Variants in FLNC observed in about 807,000 individuals in gnomAD.
The protein encoded by FLNC is filamin-C.
In FLNC, 91 loss-of-function variants were observed where a neutral mutation model predicts 254.3. The observed-to-expected ratio is 0.36, with a 90% CI of 0.30 to 0.43. The LOEUF is 0.43. Among genes scored for constraint, FLNC ranks in the 20% least tolerant of loss-of-function variants. The pLI is 1.00. For missense variants in FLNC, 2,853 were observed against 3,802.6 expected (o/e 0.75, Z 6.57); for synonymous variants, 1,430 against 1,577.2 (o/e 0.91, Z 2.21).
Position 128,833,713 on chromosome 7 carries a change from G to C in FLNC, c.353-1613G>C, listed in dbSNP as rs556698480. Among the ~76,000 whole-genome samples the C allele has an allele frequency of 5.9e-5, 9 of 152,346 alleles. No homozygotes were observed. In the South Asian group the frequency reaches 1.9e-3, roughly 32 times the overall value. On this transcript the variant is annotated intron_variant, in intron 1 of 47. Coordinates refer to ENST00000325888, the MANE Select transcript of FLNC (RefSeq NM_001458.5). The stretch of plus-strand genomic sequence containing the variant: ...TCTGGGCGTGTGAGCTTTGGAGGCT[G>C]TCGGGGTTGTGAGAGGCTGGGGGCA...
rs1358839958 is a variant in FLNC at position 128,841,380 on chromosome 7, C to T, written c.2007+17C>T. 1 of 1,613,802 alleles carries T rather than the reference C, an allele frequency of 6.2e-7. No individual in the cohort carries two copies. The highest frequency in any genetic ancestry group is 2.2e-5 in the East Asian group (1 of 44,896). On this transcript the variant is annotated intron_variant, in intron 12 of 47. Transcript: ENST00000325888. This position sits in a 1 kb window ranked among gnomAD's most constrained non-coding sequence, Gnocchi z 4.3. ...CCAGATAAGGTGTGGTCCCAGCTCA[C>T]ACACACCTGCCCCGGGGGTGGGGCA...
intron 5 of FLNC, 55 bp downstream of exon 5, chr7:128,837,810 C>T (rs971262870): frequency 1.4e-5 from 21 of 1,488,750 alleles, no homozygotes; most frequent in Admixed American, 3.9e-5. Flanking sequence ...AACCAGAGAG[C>T]GTGGGGCCAA....
rs1490743351 is a variant in FLNC, at chr7:128,842,115, G to T, written c.2122-116G>T. 6.4e-6 allele frequency: 7 copies of T among 1,096,758 alleles called. No homozygotes were observed. The highest frequency in any genetic ancestry group is 1.4e-5 in the South Asian group (1 of 72,422). The allele number at this position is 1,096,758 out of a possible 1,614,324, so 67.9% of individuals were successfully genotyped here. ...CTCTGGTGGCCTCAGTGGCTGGTGTGGGGGCGGGAGTGCCAGTGTTGGGGG... is the reference window on the plus strand; with the variant it reads ...CTCTGGTGGCCTCAGTGGCTGGTGTTGGGGCGGGAGTGCCAGTGTTGGGGG... On this transcript the variant is annotated intron_variant, in intron 13 of 47. Transcript: ENST00000325888. The surrounding 1 kb of genome is among the most constrained non-coding windows in gnomAD (Gnocchi z 5.4).
Position 128,848,635 on chromosome 7 carries a change from C to T in FLNC, c.4655C>T (p.Ser1552Phe), listed in dbSNP as rs766674759. The T allele has an allele frequency of 1.9e-6, 3 of 1,613,456 alleles. No individual in the cohort carries two copies. Among genetic ancestry groups the T allele is most frequent in the Non-Finnish European group, 2.5e-6 (3 of 1,180,034 alleles). The change falls in exon 27 of 48, where the codon TCT becomes TTT. Residue 1552 changes from serine to phenylalanine, a missense_variant. Physicochemically the swap from Ser to Phe is radical, Grantham distance 155. Transcript: ENST00000325888. ...VRASGPGLNA[S>F]GIPASLPVEF... is the part of the protein sequence containing the mutation. ...GCCAGCGGCCCAGGCCTCAACGCCT[C>T]TGGCATCCCTGCCAGCCTGCCTGTG...
chr7:128,830,826 C>A lies in FLNC; in HGVS notation c.189C>A (p.Asp63Glu), dbSNP rs753437430. Residue 63 changes from aspartate to glutamate, a missense_variant, in exon 1 of 48, where the codon GAC (aspartate) becomes GAA (glutamate). Transcript: ENST00000325888. The part of the protein sequence containing the change: ...VGKRLTDLQR[D>E]LSDGLRLIAL... ...AGCGCCTGACCGACCTGCAGCGCGA[C>A]CTCAGCGACGGGCTCCGGCTCATCG... 1.2e-6 allele frequency: 2 copies of A among 1,613,128 alleles called. No individual in the cohort carries two copies. Among genetic ancestry groups the A allele is most frequent in the Non-Finnish European group, 1.7e-6 (2 of 1,179,962 alleles).
chr7:128,849,854 C>T, intron 30 of FLNC, 122 bp from the exon 31 acceptor site: 2 of 827,156 alleles, frequency 2.4e-6, no homozygotes, highest in Non-Finnish European at 4.0e-6. Context: ...CAGAGGCTGC[C>T]CTGCAGGAGG....
In FLNC at chr7:128,832,932, G is replaced by A. The variant is rs556659951; in HGVS notation, c.352+1943G>A. ...CCTACTCCATTTAGTGGTGGAAAGG[G>A]GCTATCCATGGGGCCACCTTCTGAG... On this transcript the variant is annotated intron_variant, in intron 1 of 47. Transcript: ENST00000325888. Among the ~76,000 whole-genome samples, 10 of 152,284 alleles carry A rather than the reference G, an allele frequency of 6.6e-5. No individual in the cohort carries two copies. The South Asian group carries it at 2.1e-3, about 32-fold the overall frequency.
chr7:128,848,475 G>C (rs1275163786), intron 26 of FLNC, 86 bp from the exon 27 acceptor site: 2 of 1,408,054 alleles, frequency 1.4e-6, no homozygotes, highest in Admixed American at 3.3e-5. Context: ...CATGTCTATG[G>C]GGAGGACTCT....
chr7:128,850,107 C>A, intron 31 of FLNC, 33 bp downstream of exon 31: 1 of 1,438,174 alleles, frequency 7.0e-7, no homozygotes, highest in Non-Finnish European at 9.5e-7. Context: ...ATGTCCTCCT[C>A]CTCCTCCCCT....
Position 128,853,053 on chromosome 7 carries a change from C to T in FLNC, c.6208+22C>T, listed in dbSNP as rs1585168199. 3 of 1,610,082 alleles carry T rather than the reference C, an allele frequency of 1.9e-6. No homozygotes were observed. In the East Asian group the frequency reaches 6.7e-5, roughly 36 times the overall value. ...GCAGGTACCTCCTGCCCCAGAGAGCCCCCATTCCAGCGGGTGCCTCCCACA... is the reference window on the plus strand; with the variant it reads ...GCAGGTACCTCCTGCCCCAGAGAGCTCCCATTCCAGCGGGTGCCTCCCACA... On this transcript the variant is annotated intron_variant, in intron 37 of 47. Coordinates refer to ENST00000325888, the MANE Select transcript of FLNC (RefSeq NM_001458.5).
At position 128,844,948 on chromosome 7, in the gene FLNC, T is replaced by C; in HGVS notation, c.3483T>C (p.Ser1161=). Residue 1161 remains serine (S), a synonymous_variant, in exon 21 of 48, where the codon AGT becomes AGC. Transcript: ENST00000325888. The part of the protein sequence containing the change: ...PVFDPSKVRA[S]GPGLERGKVG... ...TTGACCCGAGCAAGGTGCGGGCCAG[T>C]GGACCGGGCCTGGAGCGCGGCAAGG... The C allele has an allele frequency of 1.2e-6, 2 of 1,613,908 alleles. No homozygotes were observed. Among genetic ancestry groups the C allele is most frequent in the African/African-American group, 1.3e-5 (1 of 75,062 alleles).
intron 18 of FLNC, 92 bp downstream of exon 18, chr7:128,843,669 TC>T: frequency 6.6e-7 from 1 of 1,510,672 alleles, no homozygotes; most frequent in South Asian, 1.1e-5. Context: ...TTCTGGATCC[TC>T]CACGCCTTTC....
In FLNC at chr7:128,858,332, C is replaced by G. The variant is rs1303400196; in HGVS notation, c.7991-4C>G. ...TGAGCCTGTCCCTCTGCCTCCCTCT[C>G]CAGGCACCAACATGATGATGGTGGG... On this transcript the variant is annotated splice_region_variant and splice_polypyrimidine_tract_variant and intron_variant, in intron 47 of 47. Transcript: ENST00000325888. This position sits in a 1 kb window ranked among gnomAD's most constrained non-coding sequence, Gnocchi z 6.7. The G allele has an allele frequency of 2.0e-6, 3 of 1,507,008 alleles. No individual in the cohort carries two copies. The highest frequency in any genetic ancestry group is 2.8e-6 in the Non-Finnish European group (3 of 1,088,692). The allele number at this position is 1,507,008 out of a possible 1,614,324, so 93.4% of individuals were successfully genotyped here.
At position 128,852,703 on chromosome 7, in the gene FLNC, G is replaced by A. The variant is rs777895128; in HGVS notation, c.5955G>A (p.Ser1985=). 16 of 1,613,128 alleles carry A rather than the reference G, an allele frequency of 9.9e-6. No individual in the cohort carries two copies. The highest frequency in any genetic ancestry group is 1.3e-5 in the Non-Finnish European group (15 of 1,179,916). The change falls in exon 36 of 48, where the codon TCG becomes TCA. Residue 1985 remains serine (S), a synonymous_variant. Coordinates refer to ENST00000325888, the MANE Select transcript of FLNC (RefSeq NM_001458.5). Reference sequence around the variant, plus strand: ...TGACCGCCAGCATCCGTGCCCCCTCGGGCAACGAGGAGCCCTGCCTGCTGA... The same window carrying A: ...TGACCGCCAGCATCCGTGCCCCCTCAGGCAACGAGGAGCCCTGCCTGCTGA... ...SQLTASIRAP[S]GNEEPCLLKR...
At chr7:128,834,319 C>T (rs1014522447) in intron 1 of FLNC, among the ~76,000 whole-genome samples, 2 of 150,636 alleles carry the variant, frequency 1.3e-5, no homozygotes, top group African/African-American at 2.5e-5. Flanking sequence ...GCGCCCCCCC[C>T]CCCCAAATCT....
intron 32 of FLNC, 31 bp from the exon 33 acceptor site, chr7:128,850,772 G>A: frequency 6.2e-7 from 1 of 1,613,462 alleles, no homozygotes; most frequent in Non-Finnish European, 8.5e-7. Context: ...GGGGAAACCA[G>A]GGTCTCCACG....
Position 128,830,484 on chromosome 7 carries a change from C to G in FLNC, c.-154C>G. On this transcript the variant is annotated 5_prime_UTR_variant, in exon 1 of 48. Coordinates refer to ENST00000325888, the MANE Select transcript of FLNC (RefSeq NM_001458.5). Reference sequence around the variant, plus strand: ...CGAGCGCCTAGGAGGCCCGCCGAGCCTCGCCGAGCCCCGCCAGCCCCGGCG... The same window carrying G: ...CGAGCGCCTAGGAGGCCCGCCGAGCGTCGCCGAGCCCCGCCAGCCCCGGCG... 1.5e-6 allele frequency: 1 copy of G among 670,996 alleles called. No individual in the cohort carries two copies. The highest frequency in any genetic ancestry group is 2.5e-6 in the Non-Finnish European group (1 of 396,528). 41.6% of individuals were successfully genotyped at this position (670,996 alleles called of 1,614,324 possible). A position where few individuals can be genotyped will look rare whatever the true frequency, so the allele number is the denominator to read the frequency against.
In FLNC at chr7:128,835,204, G is replaced by A; in HGVS notation, c.353-122G>A. The stretch of plus-strand genomic sequence containing the variant: ...CTCGCAGGAGGGAGAGGGTCAGGTA[G>A]GCAGAGACTAGAGGCCTGACCCCAG... On this transcript the variant is annotated intron_variant, in intron 1 of 47. Transcript: ENST00000325888. The surrounding 1 kb of genome is among the most constrained non-coding windows in gnomAD (Gnocchi z 5.3). The A allele has an allele frequency of 1.5e-5, 20 of 1,321,090 alleles. No individual in the cohort carries two copies. The highest frequency in any genetic ancestry group is 2.2e-5 in the Non-Finnish European group (20 of 929,644). The allele number at this position is 1,321,090 out of a possible 1,614,324, so 81.8% of individuals were successfully genotyped here. A position where few individuals can be genotyped will look rare whatever the true frequency, so the allele number is the denominator to read the frequency against.
chr7:128,833,351 C>T (rs774498918), intron 1 of FLNC, among the ~76,000 whole-genome samples: 1 of 152,268 alleles, frequency 6.6e-6, no homozygotes, highest in Non-Finnish European at 1.5e-5. Flanking sequence ...AACTAGCTGT[C>T]TGGCTCCTCC....
Sources: gnomAD v4.1 joint callset for allele counts (sites outside exome capture counted in the v4.1 genomes callset) on GRCh38, gnomAD v4.1.1 for gene constraint, Gnocchi (gnomAD v3.1) non-coding constraint, MANE v1.5 for transcripts, NCBI Gene and HGNC (gene_info 2026-07-23, HGNC 2026-07-21) for gene names.